The following CSMD1 variants were observed in gnomAD, a reference collection of about 807,000 sequenced individuals.
CSMD1 encodes CUB and sushi domain-containing protein 1.
Under a neutral mutation model 417.5 loss-of-function variants are expected in CSMD1, and 213 were observed. The ratio of observed to expected loss-of-function variants is 0.51; its 90% CI spans 0.46 to 0.57. The LOEUF is 0.57. Among genes scored for constraint, CSMD1 ranks in the 20% least tolerant of loss-of-function variants. The pLI, the probability that CSMD1 is intolerant of heterozygous loss-of-function variation, is 0.00. For missense variants in CSMD1, 6,923 were observed against 4,529.7 expected (o/e 1.53, Z -15.17); for synonymous variants, 2,862 against 1,736.8 (o/e 1.65, Z -16.11).
Position 3,504,398 on chromosome 8 carries a change from T to TG in CSMD1, c.1345-10673dup, listed in dbSNP as rs1206801490. Among the ~76,000 whole-genome samples the TG allele has an allele frequency of 2.0e-5, 3 of 152,292 alleles. No homozygotes were observed. The East Asian group carries it at 5.8e-4, about 29-fold the overall frequency. ...AAAATGAGAATGATGCCGATTTCCC[T>TG]GGGGGATTTCTGGGATTCAAGAATG... On this transcript the variant is annotated intron_variant, in intron 10 of 69. Coordinates refer to ENST00000635120, the MANE Select transcript of CSMD1 (RefSeq NM_033225.6).
At chr8:4,245,169 C>G (rs1403973598) in intron 3 of CSMD1, among the ~76,000 whole-genome samples, 1 of 152,156 alleles carries the variant, frequency 6.6e-6, no homozygotes, top group African/African-American at 2.4e-5. Context: ...ATCTCATTCC[C>G]CATCTTATTA....
At chr8:4,581,487 C>G (rs1049345585) in intron 2 of CSMD1, among the ~76,000 whole-genome samples, 1 of 152,040 alleles carries the variant, frequency 6.6e-6, no homozygotes, top group African/African-American at 2.4e-5. Context: ...ATGAGATAAT[C>G]TTATGTAGAA....
chr8:4,335,560 C>G (rs1800116734), intron 3 of CSMD1, among the ~76,000 whole-genome samples: 1 of 152,108 alleles, frequency 6.6e-6, no homozygotes, highest in Non-Finnish European at 1.5e-5. Flanking sequence ...AGCTTAAAAC[C>G]TGTCACTATC....
At chr8:4,905,280 T>C (rs1344274945) in intron 1 of CSMD1, among the ~76,000 whole-genome samples, 1 of 152,132 alleles carries the variant, frequency 6.6e-6, no homozygotes, top group Non-Finnish European at 1.5e-5. Flanking sequence ...TTTGCTGAAG[T>C]TTAGGGTGCC....
At position 4,964,122 on chromosome 8, in the gene CSMD1, C is replaced by A. The variant is rs78509586; in HGVS notation, c.85+30210G>T. Among the ~76,000 whole-genome samples the A allele has an allele frequency of 4.2e-3, 640 of 152,146 alleles. 8 individuals carry two copies. The highest frequency in any genetic ancestry group is 0.014 in the African/African-American group (580 of 41,530). On this transcript the variant is annotated intron_variant, in intron 1 of 69. Coordinates refer to ENST00000635120, the MANE Select transcript of CSMD1 (RefSeq NM_033225.6). The stretch of plus-strand genomic sequence containing the variant: ...TTACTTTCTCAAGTGGCACTATCTT[C>A]ATTTTTATCTTCACATTCTTTCCAA...
At chr8:3,898,898 T>A (rs1279876448) in intron 5 of CSMD1, among the ~76,000 whole-genome samples, 2 of 152,188 alleles carry the variant, frequency 1.3e-5, no homozygotes, top group Non-Finnish European at 2.9e-5. Context: ...GTTACAGTCA[T>A]TTTAAACTGT....
At chr8:2,959,110 A>G (rs573258290) in intron 62 of CSMD1, among the ~76,000 whole-genome samples, 59 of 152,296 alleles carry the variant, frequency 3.9e-4, no homozygotes, top group Admixed American at 1.2e-3. Context: ...TGACTGATCG[A>G]TTTAAACTTT....
intron 3 of CSMD1, among the ~76,000 whole-genome samples, chr8:4,391,768 T>A (rs1243623035): frequency 2.6e-5 from 4 of 152,114 alleles, no homozygotes; most frequent in Non-Finnish European, 4.4e-5. Context: ...CATAGGGCTT[T>A]CCCTCTCCCC....
intron 5 of CSMD1, among the ~76,000 whole-genome samples, chr8:3,767,158 T>C (rs1488046305): frequency 6.6e-6 from 1 of 152,230 alleles, no homozygotes; most frequent in African/African-American, 2.4e-5. Context: ...GGTCTGTCTG[T>C]GCTGTGCTTC....
chr8:3,493,527 G>C, intron 11 of CSMD1, 96 bp downstream of exon 11: 3 of 1,026,982 alleles, frequency 2.9e-6, no homozygotes, highest in Non-Finnish European at 4.3e-6. Context: ...GCAAACACCT[G>C]AGGCCGAATT....
At chr8:3,295,911 T>G (rs1445808715) in intron 25 of CSMD1, among the ~76,000 whole-genome samples, 1 of 152,158 alleles carries the variant, frequency 6.6e-6, no homozygotes, top group East Asian at 1.9e-4. Context: ...AAGAGTGTAC[T>G]GAGTGCACCT....
At chr8:4,328,286 C>G (rs975807395) in intron 3 of CSMD1, among the ~76,000 whole-genome samples, 2 of 133,722 alleles carry the variant, frequency 1.5e-5, no homozygotes, top group Admixed American at 1.7e-4. Flanking sequence ...CTCTTCTTAA[C>G]TGTGAATTAC....
chr8:4,001,519 C>T (rs965953289), intron 4 of CSMD1, among the ~76,000 whole-genome samples: 1 of 152,102 alleles, frequency 6.6e-6, no homozygotes, highest in Non-Finnish European at 1.5e-5. Flanking sequence ...CCCTGAGTAC[C>T]AACCCTGATC....
At chr8:3,714,458 C>T (rs1203019093) in intron 6 of CSMD1, among the ~76,000 whole-genome samples, 1 of 149,504 alleles carries the variant, frequency 6.7e-6, no homozygotes. Flanking sequence ...CATGGTGGTT[C>T]ACATCTGTAA....
At chr8:2,994,404 T>C (rs1806691270) in intron 54 of CSMD1, among the ~76,000 whole-genome samples, 1 of 152,136 alleles carries the variant, frequency 6.6e-6, no homozygotes, top group Admixed American at 6.5e-5. Flanking sequence ...CACCTGCTGT[T>C]GTTGCTGCTG....
In CSMD1 at chr8:4,190,927, G is replaced by A. The variant is rs763996265; in HGVS notation, c.416-158828C>T. Among the ~76,000 whole-genome samples, 17 of 146,120 alleles carry A rather than the reference G, an allele frequency of 1.2e-4. 1 individual carries two copies. Among genetic ancestry groups the A allele is most frequent in the Middle Eastern group, 3.4e-3 (1 of 290 alleles). ...AACACATGGGTACACATAGGTGAACGACACAAACTGCGGCTCAGTGGAGAG... is the reference window on the plus strand; with the variant it reads ...AACACATGGGTACACATAGGTGAACAACACAAACTGCGGCTCAGTGGAGAG... On this transcript the variant is annotated intron_variant, in intron 3 of 69. Transcript: ENST00000635120.
intron 6 of CSMD1, among the ~76,000 whole-genome samples, chr8:3,714,332 A>T (rs1801701471): frequency 6.6e-6 from 1 of 150,940 alleles, no homozygotes; most frequent in African/African-American, 2.4e-5. Context: ...ATAAGCTACT[A>T]ATCTTTTATA....
chr8:4,231,736 C>A (rs530391398), intron 3 of CSMD1, among the ~76,000 whole-genome samples: 1 of 152,084 alleles, frequency 6.6e-6, no homozygotes, highest in Non-Finnish European at 1.5e-5. Flanking sequence ...AGTGATGGAC[C>A]ATGGAAAAAG....
chr8:3,120,894 CAAT>C (rs2129020378), intron 41 of CSMD1, among the ~76,000 whole-genome samples: 1 of 152,130 alleles, frequency 6.6e-6, no homozygotes, highest in East Asian at 1.9e-4. Flanking sequence ...TTCAGTAACT[CAAT>C]GATGGCAACA....
Sources: gnomAD v4.1 joint callset for allele counts (sites outside exome capture counted in the v4.1 genomes callset) on GRCh38, gnomAD v4.1.1 for gene constraint, MANE v1.5 for transcripts, NCBI Gene and HGNC (gene_info 2026-07-23, HGNC 2026-07-21) for gene names.